The following DOCK2 variants were observed in gnomAD, a reference collection of about 807,000 sequenced individuals.
DOCK2 encodes dedicator of cytokinesis 2.
DOCK2 carries 87 observed loss-of-function variants against 248.9 expected under a neutral mutation model. The ratio of observed to expected loss-of-function variants is 0.35; its 90% CI spans 0.29 to 0.42. The LOEUF (loss-of-function observed/expected upper bound fraction) is 0.42, where lower values mean the gene tolerates loss of function less well. Ranked by LOEUF, DOCK2 falls within the 10% of genes least tolerant of loss-of-function variation. DOCK2 has a pLI of 1.00. For missense variants in DOCK2, 1,747 were observed against 2,300.2 expected, an observed-to-expected ratio of 0.76 and a Z score of 4.92; for synonymous variants, 805 against 821.6, an observed-to-expected ratio of 0.98 and a Z score of 0.35.
intron 27 of DOCK2, chr5:169,864,497 G>T: frequency 1.4e-6 from 2 of 1,439,154 alleles, no homozygotes; most frequent in Non-Finnish European, 9.3e-7. Context: ...AAGTGAATTC[G>T]AATCAGCACA....
chr5:169,673,076 T>C (rs1370574494), intron 5 of DOCK2, among the ~76,000 whole-genome samples: 3 of 152,134 alleles, frequency 2.0e-5, no homozygotes, highest in African/African-American at 4.8e-5. Flanking sequence ...TTATTGGCTA[T>C]TGGTGCTTGA....
intron 26 of DOCK2, among the ~76,000 whole-genome samples, chr5:169,835,265 T>TTTG (rs1769493467): frequency 6.7e-6 from 1 of 148,716 alleles, no homozygotes. Flanking sequence ...GCCTGGTTTT[T>TTTG]TTTTTTTTTT....
intron 29 of DOCK2, among the ~76,000 whole-genome samples, chr5:169,992,536 C>G (rs1778235058): frequency 6.6e-6 from 1 of 151,294 alleles, no homozygotes; most frequent in Non-Finnish European, 1.5e-5. Flanking sequence ...GTGATCTCGG[C>G]TCACTGCAAC....
In DOCK2 at chr5:169,764,237, A is replaced by G. The variant is rs1160384102; in HGVS notation, c.2554+2612A>G. On this transcript the variant is annotated intron_variant, in intron 25 of 51. Transcript: ENST00000520908. This position sits in a 1 kb window ranked among gnomAD's most constrained non-coding sequence, Gnocchi z 4.3. ...AATTGCCTGGAGTATTTTCAGTGAC[A>G]GTTGCTTGTACTCACAGCCTTGAAC... is the stretch of plus-strand genomic sequence containing the variant. Among the ~76,000 whole-genome samples, 1 of 152,204 alleles carries G rather than the reference A, an allele frequency of 6.6e-6. No individual in the cohort carries two copies. The highest frequency in any genetic ancestry group is 1.5e-5 in the Non-Finnish European group (1 of 68,050).
intron 22 of DOCK2, among the ~76,000 whole-genome samples, chr5:169,721,432 T>C (rs1016026254): frequency 1.3e-5 from 2 of 152,212 alleles, no homozygotes; most frequent in Admixed American, 6.5e-5. Context: ...TGATCTGCTC[T>C]CCAGTGGAGT....
intron 27 of DOCK2, among the ~76,000 whole-genome samples, chr5:169,955,260 A>G (rs1321063509): frequency 6.6e-6 from 1 of 152,182 alleles, no homozygotes; most frequent in East Asian, 1.9e-4. Context: ...CACACAGGAC[A>G]GAAGGGCATC....
intron 25 of DOCK2, among the ~76,000 whole-genome samples, chr5:169,791,853 A>G (rs1278904567): frequency 1.3e-5 from 2 of 152,216 alleles, no homozygotes; most frequent in African/African-American, 4.8e-5. Context: ...TGTACATTGC[A>G]TATCTCTCAC....
At chr5:170,079,941 T>C (rs956217635) in intron 49 of DOCK2, 3 of 587,740 alleles carry the variant, frequency 5.1e-6, no homozygotes, top group Non-Finnish European at 5.7e-6. Context: ...ATAGTCTAAA[T>C]GAATGTCCGC....
At chr5:169,850,004 G>A (rs762893965) in intron 27 of DOCK2, among the ~76,000 whole-genome samples, 1 of 152,196 alleles carries the variant, frequency 6.6e-6, no homozygotes, top group Admixed American at 6.5e-5. Context: ...CAATATGCAA[G>A]TGTTATTACT....
chr5:169,673,550 T>G (rs1759159137), intron 5 of DOCK2, among the ~76,000 whole-genome samples: 1 of 152,158 alleles, frequency 6.6e-6, no homozygotes, highest in South Asian at 2.1e-4. Flanking sequence ...AGACAGGGTC[T>G]TGCTCTGTCA....
intron 27 of DOCK2, among the ~76,000 whole-genome samples, chr5:169,855,062 C>T (rs1038213994): frequency 6.6e-6 from 1 of 152,200 alleles, no homozygotes; most frequent in African/African-American, 2.4e-5. Flanking sequence ...AGAACTCCAG[C>T]CTTCACCACC....
intron 14 of DOCK2, among the ~76,000 whole-genome samples, chr5:169,703,016 C>T (rs935827984): frequency 6.6e-6 from 1 of 152,108 alleles, no homozygotes; most frequent in Non-Finnish European, 1.5e-5. Context: ...TATGTCCTGT[C>T]CAATATTTGT....
chr5:169,894,670 C>A (rs1773493487), intron 27 of DOCK2, among the ~76,000 whole-genome samples: 1 of 152,224 alleles, frequency 6.6e-6, no homozygotes, highest in Non-Finnish European at 1.5e-5. Context: ...GCCCACTCTT[C>A]ATTTCTGAGA....
chr5:169,815,005 A>G (rs988509882), intron 26 of DOCK2, among the ~76,000 whole-genome samples: 1 of 152,222 alleles, frequency 6.6e-6, no homozygotes, highest in Non-Finnish European at 1.5e-5. Context: ...AACATTTAGC[A>G]TGCCATAACC....
chr5:170,031,879 C>T (rs12716252), intron 34 of DOCK2, among the ~76,000 whole-genome samples: 59,950 of 152,014 alleles, frequency 0.39, 12,930 homozygotes, highest in East Asian at 0.58. Context: ...TCCATTGACC[C>T]GCAGCACTGG....
intron 26 of DOCK2, among the ~76,000 whole-genome samples, chr5:169,820,192 G>A (rs1768342036): frequency 6.6e-6 from 1 of 152,238 alleles, no homozygotes; most frequent in African/African-American, 2.4e-5. Context: ...GCACCTCTGG[G>A]GGCAAGGCAT....
chr5:170,014,119 G>T (rs1286291108), intron 32 of DOCK2, among the ~76,000 whole-genome samples: 1 of 152,180 alleles, frequency 6.6e-6, no homozygotes, highest in African/African-American at 2.4e-5. Flanking sequence ...GATATTACAA[G>T]GGAGCAACCA....
chr5:169,670,698 A>G, intron 4 of DOCK2, 101 bp downstream of exon 4: 1 of 1,392,574 alleles, frequency 7.2e-7, no homozygotes, highest in South Asian at 1.3e-5. Context: ...AGGGTTGCTC[A>G]GCTTATCTTC....
chr5:169,881,352 G>A (rs371966689), intron 27 of DOCK2: 89 of 1,549,148 alleles, frequency 5.7e-5, no homozygotes, highest in East Asian at 9.8e-5. Flanking sequence ...AGCAGGCCTC[G>A]CTTGTGGCCA....
Sources: gnomAD v4.1 joint callset for allele counts (sites outside exome capture counted in the v4.1 genomes callset) on GRCh38, gnomAD v4.1.1 for gene constraint, Gnocchi (gnomAD v3.1) non-coding constraint, MANE v1.5 for transcripts, NCBI Gene and HGNC (gene_info 2026-07-23, HGNC 2026-07-21) for gene names.